The following CEP83 variants were observed in gnomAD, a reference collection of about 807,000 sequenced individuals.
The protein encoded by CEP83 is centrosomal protein 83, also known as centrosomal protein of 83 kDa.
In CEP83, 70 loss-of-function variants were observed where a neutral mutation model predicts 101.9. The observed-to-expected ratio is 0.69, with a 90% confidence interval of 0.57 to 0.84. The LOEUF (loss-of-function observed/expected upper bound fraction) is 0.84, where lower values mean the gene tolerates loss of function less well. Among genes scored for constraint, CEP83 ranks in the 40% least tolerant of loss-of-function variants. The probability of loss-of-function intolerance (pLI) is 0.00; values close to 1 mark genes in which losing one functional copy is unlikely to be tolerated. For missense variants in CEP83, 715 were observed against 787.2 expected (o/e 0.91, Z 1.10); for synonymous variants, 264 against 267.9 (o/e 0.99, Z 0.14).
At chr12:94,342,881 C>T (rs758024348) in intron 11 of CEP83, among the ~76,000 whole-genome samples, 6 of 151,752 alleles carry the variant, frequency 4.0e-5, no homozygotes, top group Non-Finnish European at 7.4e-5. Context: ...GTACCAAATA[C>T]CATGAAACTC....
chr12:94,343,507 G>T (rs991381284), intron 11 of CEP83, among the ~76,000 whole-genome samples: 1 of 106,630 alleles, frequency 9.4e-6, no homozygotes, highest in African/African-American at 4.0e-5. Flanking sequence ...TTTTGAGACG[G>T]AGTCTCGCTC....
At chr12:94,361,415 G>C (rs2136933803) in intron 11 of CEP83, 1 of 152,246 alleles carries the variant, frequency 6.6e-6, no homozygotes, top group African/African-American at 2.4e-5. Context: ...GGGGTGACCT[G>C]ACCCAGGTCA....
chr12:94,313,802 A>C (rs1203636883), intron 14 of CEP83, among the ~76,000 whole-genome samples: 2 of 152,162 alleles, frequency 1.3e-5, no homozygotes. Context: ...GCACCACTGC[A>C]CTCCAGCCTG....
At chr12:94,370,641 G>A (rs2061259189) in intron 8 of CEP83, among the ~76,000 whole-genome samples, 1 of 151,626 alleles carries the variant, frequency 6.6e-6, no homozygotes, top group Non-Finnish European at 1.5e-5. Flanking sequence ...GCCTCCTAAA[G>A]TGCTAGGATT....
At chr12:94,378,084 A>G (rs1177074568) in intron 7 of CEP83, among the ~76,000 whole-genome samples, 3 of 152,176 alleles carry the variant, frequency 2.0e-5, no homozygotes, top group African/African-American at 7.2e-5. Flanking sequence ...AAATCATTTT[A>G]TAACTATTCC....
chr12:94,457,946 C>T (rs1371675003), intron 1 of CEP83, among the ~76,000 whole-genome samples: 2 of 152,110 alleles, frequency 1.3e-5, no homozygotes, highest in Non-Finnish European at 2.9e-5. Context: ...CCTGTAATCC[C>T]AGCACTTTGG....
intron 1 of CEP83, among the ~76,000 whole-genome samples, chr12:94,451,976 C>T (rs2067285791): frequency 6.6e-6 from 1 of 152,126 alleles, no homozygotes; most frequent in Non-Finnish European, 1.5e-5. Context: ...CAATACTATT[C>T]AACTGGTGAA....
intron 2 of CEP83, among the ~76,000 whole-genome samples, chr12:94,420,088 A>G (rs1321946644): frequency 6.6e-6 from 1 of 152,174 alleles, no homozygotes; most frequent in Non-Finnish European, 1.5e-5. Flanking sequence ...TTCAATTACT[A>G]ATTTGTAAAA....
chr12:94,428,455 C>A (rs1265830161), intron 2 of CEP83, among the ~76,000 whole-genome samples: 1 of 152,174 alleles, frequency 6.6e-6, no homozygotes, highest in Non-Finnish European at 1.5e-5. Flanking sequence ...ACAGCATATC[C>A]TGAAAATTGT....
At chr12:94,426,423 C>A (rs971923183) in intron 2 of CEP83, among the ~76,000 whole-genome samples, 3 of 152,154 alleles carry the variant, frequency 2.0e-5, no homozygotes, top group Non-Finnish European at 2.9e-5. Context: ...GTAACTTTGT[C>A]CATGACAAGA....
intron 2 of CEP83, chr12:94,424,941 C>T (rs1255600965): frequency 4.1e-5 from 65 of 1,573,822 alleles, no homozygotes; most frequent in Non-Finnish European, 4.5e-5. Context: ...GTAGAAATCC[C>T]GGGCCTGGAA....
At chr12:94,314,014 A>G (rs1365571411) in intron 14 of CEP83, among the ~76,000 whole-genome samples, 1 of 152,232 alleles carries the variant, frequency 6.6e-6, no homozygotes, top group African/African-American at 2.4e-5. Context: ...TTTACAATAT[A>G]CAAAGGGAGA....
chr12:94,285,953 G>C, the CEP83 span, among the ~76,000 whole-genome samples: 1 of 152,158 alleles, frequency 6.6e-6, no homozygotes, highest in African/African-American at 2.4e-5. Flanking sequence ...CAGGGGATGG[G>C]GCTACCCACT....
At chr12:94,367,506 G>C (rs956498865) in intron 11 of CEP83, among the ~76,000 whole-genome samples, 1 of 152,064 alleles carries the variant, frequency 6.6e-6, no homozygotes, top group Non-Finnish European at 1.5e-5. Flanking sequence ...GTAACTAAAT[G>C]CAACATGTGA....
intron 14 of CEP83, among the ~76,000 whole-genome samples, chr12:94,325,056 A>G (rs890836754): frequency 6.6e-6 from 1 of 152,086 alleles, no homozygotes; most frequent in Non-Finnish European, 1.5e-5. Context: ...TACCTTACAT[A>G]TAACAACATG....
intron 1 of CEP83, among the ~76,000 whole-genome samples, chr12:94,436,881 T>C (rs969387813): frequency 2.7e-5 from 4 of 147,688 alleles, no homozygotes; most frequent in Non-Finnish European, 6.0e-5. Flanking sequence ...GAAGAAAAAA[T>C]TATTTTAGAA....
intron 14 of CEP83, among the ~76,000 whole-genome samples, chr12:94,314,605 G>C (rs1009048538): frequency 2.0e-5 from 3 of 152,062 alleles, no homozygotes; most frequent in Non-Finnish European, 2.9e-5. Context: ...TATTCACTCA[G>C]TACACCGTTA....
rs7955522 is a variant in CEP83 at position 94,371,405 on chromosome 12, T to C, written c.934-1369A>G. Among the ~76,000 whole-genome samples the C allele has an allele frequency of 2.5e-3, 381 of 152,264 alleles. 1 individual carries two copies. The highest frequency in any genetic ancestry group is 8.9e-3 in the African/African-American group (368 of 41,558). On this transcript the variant is annotated intron_variant, in intron 8 of 16. Transcript: ENST00000397809. ...ATGTGCACAAGTATTAGGTAGGGGA[T>C]TGGGGGCAGGAACAAGTATAAATCA...
At chr12:94,279,518 A>T in the CEP83 span, 1 of 1,614,102 alleles carries the variant, frequency 6.2e-7, no homozygotes, top group Admixed American at 1.7e-5. Context: ...GAGAGTGCAG[A>T]TGTCTGTCGG....
Sources: gnomAD v4.1 joint callset for allele counts (sites outside exome capture counted in the v4.1 genomes callset) on GRCh38, gnomAD v4.1.1 for gene constraint, MANE v1.5 for transcripts, NCBI Gene and HGNC (gene_info 2026-07-23, HGNC 2026-07-21) for gene names.